FLOT2: variants seen among roughly 807,000 people sequenced by gnomAD.
FLOT2 encodes the protein flotillin 2, also known as flotillin-2.
Under a neutral mutation model 54.9 loss-of-function variants are expected in FLOT2, and 35 were observed. The ratio of observed to expected loss-of-function variants is 0.64; its 90% CI spans 0.49 to 0.84. The LOEUF (loss-of-function observed/expected upper bound fraction) is 0.84. Ranked by LOEUF, FLOT2 falls within the 40% of genes least tolerant of loss-of-function variation. The pLI is 0.00. For synonymous variants in FLOT2, 207 were observed against 228.9 expected (o/e 0.90, Z 0.86); for missense variants, 464 against 572.1 (o/e 0.81, Z 1.93).
At chr17:28,895,392 G>C (rs1377700142) in intron 1 of FLOT2, among the ~76,000 whole-genome samples, 1 of 149,806 alleles carries the variant, frequency 6.7e-6, no homozygotes, top group African/African-American at 2.5e-5. Context: ...CTTTTTTTTT[G>C]AGATGCTTAC....
intron 2 of FLOT2, among the ~76,000 whole-genome samples, chr17:28,886,656 T>C (rs929412375): frequency 1.3e-5 from 2 of 152,168 alleles, no homozygotes; most frequent in Non-Finnish European, 2.9e-5. Flanking sequence ...CCATCCTGGC[T>C]GGGCCTCCCT....
At chr17:28,895,249 T>C (rs1482028080) in intron 1 of FLOT2, among the ~76,000 whole-genome samples, 1 of 152,168 alleles carries the variant, frequency 6.6e-6, no homozygotes, top group African/African-American at 2.4e-5. Context: ...AGAAATTATA[T>C]TGAAAGTTAT....
chr17:28,881,332 G>A lies in FLOT2; in HGVS notation c.958C>T (p.Arg320Cys), dbSNP rs369702593. 1.9e-5 allele frequency: 31 copies of A among 1,613,458 alleles called. No homozygotes were observed. The highest frequency in any genetic ancestry group is 4.5e-5 in the East Asian group (2 of 44,902). The change falls in exon 9 of 11, where the codon CGC becomes TGC. Residue 320 changes from arginine to cysteine, a missense_variant. By Grantham distance (180) the Arg-to-Cys change is radical. Transcript: ENST00000394908. The stretch of plus-strand genomic sequence containing the variant: ...GCCGCTTCCGCCTCCCCGATTTTGC[G>A]GATCTTCTCAGCCTCTGCCTGTGCC... ...LLAQAEAEKI[R>C]KIGEAEAAVI...
chr17:28,881,112 C>T, intron 9 of FLOT2, 80 bp downstream of exon 9: 13 of 1,335,680 alleles, frequency 9.7e-6, no homozygotes, highest in Non-Finnish European at 1.4e-5. Flanking sequence ...ACTCGCAAGG[C>T]CCAGAGAAGT....
In FLOT2 at chr17:28,882,538, G is replaced by A. The variant is rs758949735; in HGVS notation, c.465+35C>T. 2 of 1,580,434 alleles carry A rather than the reference G, an allele frequency of 1.3e-6. No individual in the cohort carries two copies. Among genetic ancestry groups the A allele is most frequent in the Non-Finnish European group, 1.7e-6 (2 of 1,149,354 alleles). ...TAACAAAGCCACCATCTCCCAGATG[G>A]ACGCCAGGAGATACAGCTTCCCATC... On this transcript the variant is annotated intron_variant, in intron 5 of 10. Transcript: ENST00000394908. This position sits in a 1 kb window ranked among gnomAD's most constrained non-coding sequence, Gnocchi z 5.6.
rs1280236090 is a variant in FLOT2, at chr17:28,887,400, GAGA to G, written c.131+1542_131+1544del. Among the ~76,000 whole-genome samples the G allele has an allele frequency of 3.3e-5, 5 of 152,310 alleles. No individual in the cohort carries two copies. In the South Asian group the frequency reaches 8.3e-4, roughly 25 times the overall value. On this transcript the variant is annotated intron_variant, in intron 2 of 10. Transcript: ENST00000394908. ...TGCCCCCCAGAAAAGGTGTAAGAAG[GAGA>G]AGGATTACTGGCTCAGACTACCCAG...
Position 28,883,360 on chromosome 17 carries a change from G to A in FLOT2, c.223-129C>T. On this transcript the variant is annotated intron_variant, in intron 3 of 10. Coordinates refer to ENST00000394908, the MANE Select transcript of FLOT2 (RefSeq NM_004475.3). The surrounding 1 kb of genome is among the most constrained non-coding windows in gnomAD (Gnocchi z 5.0). ...TTTTCAGACCTGGAGGCCCTGGGGG[G>A]CTGGAATCTGTCTGAAGCCTCTAGT... 1.7e-6 allele frequency: 2 copies of A among 1,154,530 alleles called. No homozygotes were observed. Among genetic ancestry groups the A allele is most frequent in the Non-Finnish European group, 1.2e-6 (1 of 803,528 alleles). The allele number at this position is 1,154,530 out of a possible 1,614,324, so 71.5% of individuals were successfully genotyped here. A position where few individuals can be genotyped will look rare whatever the true frequency, so the allele number is the denominator to read the frequency against.
At position 28,883,419 on chromosome 17, in the gene FLOT2, T is replaced by C. The variant is rs758532771; in HGVS notation, c.223-188A>G. Among the ~76,000 whole-genome samples, 1 of 152,106 alleles carries C rather than the reference T, an allele frequency of 6.6e-6. No homozygotes were observed. The highest frequency in any genetic ancestry group is 1.5e-5 in the Non-Finnish European group (1 of 68,008). On this transcript the variant is annotated intron_variant, in intron 3 of 10. Coordinates refer to ENST00000394908, the MANE Select transcript of FLOT2 (RefSeq NM_004475.3). This position sits in a 1 kb window ranked among gnomAD's most constrained non-coding sequence, Gnocchi z 5.0. ...AGCAGCACAAGGGCTTCTCTCACTATGAAACTTCTCCTGCACTGACAGCCC... is the reference window on the plus strand; with the variant it reads ...AGCAGCACAAGGGCTTCTCTCACTACGAAACTTCTCCTGCACTGACAGCCC...
At position 28,882,307 on chromosome 17, in the gene FLOT2, C is replaced by G. The variant is rs750488943; in HGVS notation, c.579+30G>C. On this transcript the variant is annotated intron_variant, in intron 6 of 10. Transcript: ENST00000394908. This position sits in a 1 kb window ranked among gnomAD's most constrained non-coding sequence, Gnocchi z 5.6. ...CCTGAGTCATCATGGTCCCATCACC[C>G]CTGAGCTTCCCATCCTTGAACCCAC... 1.2e-6 allele frequency: 2 copies of G among 1,613,780 alleles called. No individual in the cohort carries two copies. Among genetic ancestry groups the G allele is most frequent in the Admixed American group, 1.7e-5 (1 of 59,996 alleles).
At chr17:28,880,898 G>T in intron 9 of FLOT2, 36 bp from the exon 10 acceptor site, 1 of 1,611,704 alleles carries the variant, frequency 6.2e-7, no homozygotes, top group East Asian at 2.2e-5. Context: ...CCTGGTTGGC[G>T]CTGACTCTGT....
chr17:28,897,643 G>A lies in FLOT2; in HGVS notation c.-69C>T, dbSNP rs2039767304. 7.4e-6 allele frequency: 10 copies of A among 1,346,200 alleles called. No individual in the cohort carries two copies. The highest frequency in any genetic ancestry group is 9.7e-6 in the Non-Finnish European group (10 of 1,026,904). The allele number at this position is 1,346,200 out of a possible 1,614,324, so 83.4% of individuals were successfully genotyped here. The stretch of plus-strand genomic sequence containing the variant: ...ACAACAGCAGCGGGTCTGCAGCGCC[G>A]GCCGCGCCCAGCCTATCCCGCCACC... On this transcript the variant is annotated 5_prime_UTR_variant, in exon 1 of 11. Transcript: ENST00000394908. This position sits in a 1 kb window ranked among gnomAD's most constrained non-coding sequence, Gnocchi z 4.4.
intron 9 of FLOT2, 87 bp from the exon 10 acceptor site, chr17:28,880,949 C>T: frequency 6.6e-7 from 1 of 1,515,884 alleles, no homozygotes; most frequent in Admixed American, 1.7e-5. Context: ...TTCCTTAACT[C>T]ACTCCAACCC....
chr17:28,894,123 G>A (rs2039699271), intron 1 of FLOT2, among the ~76,000 whole-genome samples: 1 of 152,184 alleles, frequency 6.6e-6, no homozygotes, highest in South Asian at 2.1e-4. Context: ...TCCCACCTCG[G>A]TCTCCTAAAG....
chr17:28,885,999 G>A (rs894567785), intron 2 of FLOT2: 2 of 1,067,924 alleles, frequency 1.9e-6, no homozygotes, highest in Non-Finnish European at 2.7e-6. Context: ...GGGAAGGAGG[G>A]GACACAGCAA....
chr17:28,897,428 G>A lies in FLOT2; in HGVS notation c.49+98C>T. The A allele has an allele frequency of 8.3e-7, 1 of 1,203,242 alleles. No homozygotes were observed. The highest frequency in any genetic ancestry group is 3.1e-5 in the East Asian group (1 of 32,436). 74.5% of individuals were successfully genotyped at this position (1,203,242 alleles called of 1,614,324 possible). A position where few individuals can be genotyped will look rare whatever the true frequency, so the allele number is the denominator to read the frequency against. On this transcript the variant is annotated intron_variant, in intron 1 of 10. Coordinates refer to ENST00000394908, the MANE Select transcript of FLOT2 (RefSeq NM_004475.3). The surrounding 1 kb of genome is among the most constrained non-coding windows in gnomAD (Gnocchi z 4.4). ...CCCGGGGGCCAGCGCCCTGCGCCGC[G>A]CGGTGGACTCAGGCCCAGCTCTTCC...
Position 28,897,418 on chromosome 17 carries a change from C to T in FLOT2, c.49+108G>A, listed in dbSNP as rs991052808. ...TCAGGTGCGGCCCGGGGGCCAGCGCCCTGCGCCGCGCGGTGGACTCAGGCC... is the reference window on the plus strand; with the variant it reads ...TCAGGTGCGGCCCGGGGGCCAGCGCTCTGCGCCGCGCGGTGGACTCAGGCC... On this transcript the variant is annotated intron_variant, in intron 1 of 10. Coordinates refer to ENST00000394908, the MANE Select transcript of FLOT2 (RefSeq NM_004475.3). The surrounding 1 kb of genome is among the most constrained non-coding windows in gnomAD (Gnocchi z 4.4). 22 of 1,121,912 alleles carry T rather than the reference C, an allele frequency of 2.0e-5. No individual in the cohort carries two copies. Among genetic ancestry groups the T allele is most frequent in the Non-Finnish European group, 2.5e-5 (20 of 793,644 alleles). 69.5% of individuals were successfully genotyped at this position (1,121,912 alleles called of 1,614,324 possible). A position where few individuals can be genotyped will look rare whatever the true frequency, so the allele number is the denominator to read the frequency against.
Position 28,883,347 on chromosome 17 carries a change from G to A in FLOT2, c.223-116C>T. The A allele has an allele frequency of 7.6e-7, 1 of 1,310,850 alleles. No individual in the cohort carries two copies. Among genetic ancestry groups the A allele is most frequent in the South Asian group, 1.3e-5 (1 of 77,566 alleles). 81.2% of individuals were successfully genotyped at this position (1,310,850 alleles called of 1,614,324 possible). ...TCCTCCCTTCCTTTTTTCAGACCTG[G>A]AGGCCCTGGGGGGCTGGAATCTGTC... On this transcript the variant is annotated intron_variant, in intron 3 of 10. Transcript: ENST00000394908. The surrounding 1 kb of genome is among the most constrained non-coding windows in gnomAD (Gnocchi z 5.0).
chr17:28,881,692 G>A lies in FLOT2; in HGVS notation c.914+122C>T, dbSNP rs565233210. The A allele has an allele frequency of 7.9e-6, 7 of 881,250 alleles. No homozygotes were observed. In the South Asian group the frequency reaches 9.3e-5, roughly 12 times the overall value. 54.6% of individuals were successfully genotyped at this position (881,250 alleles called of 1,614,324 possible). A position where few individuals can be genotyped will look rare whatever the true frequency, so the allele number is the denominator to read the frequency against. On this transcript the variant is annotated intron_variant, in intron 8 of 10. Transcript: ENST00000394908. Reference sequence around the variant, plus strand: ...TGGGGTTATCCTCACTTCACAGTGAGTAAGAAGACACAGTGGAGGGGGAGA... The same window carrying A: ...TGGGGTTATCCTCACTTCACAGTGAATAAGAAGACACAGTGGAGGGGGAGA...
At chr17:28,886,517 T>C (rs973249368) in intron 2 of FLOT2, among the ~76,000 whole-genome samples, 4 of 152,130 alleles carry the variant, frequency 2.6e-5, no homozygotes, top group Admixed American at 1.3e-4. Flanking sequence ...GGGGAGAGTG[T>C]GCTCCTGCCA....
Sources: gnomAD v4.1 joint callset for allele counts (sites outside exome capture counted in the v4.1 genomes callset) on GRCh38, gnomAD v4.1.1 for gene constraint, Gnocchi (gnomAD v3.1) non-coding constraint, MANE v1.5 for transcripts, NCBI Gene and HGNC (gene_info 2026-07-23, HGNC 2026-07-21) for gene names.